Variants in GDPD4 observed in about 807,000 individuals in gnomAD.
GDPD4 encodes glycerophosphodiester phosphodiesterase domain containing 4.
GDPD4 carries 60 observed loss-of-function variants against 67.8 expected under a neutral mutation model. That is an observed-to-expected ratio of 0.88 (90% confidence interval 0.72 to 1.10). GDPD4 has a LOEUF of 1.10. GDPD4 is among the 50% of genes least tolerant of loss of function. The pLI is 0.00. For synonymous variants in GDPD4, 212 were observed against 210.9 expected (o/e 1.00, Z -0.04); for missense variants, 623 against 613.9 (o/e 1.01, Z -0.16).
rs1382807088 is a variant in GDPD4, at chr11:77,295,234, C to T, written c.-254+6371G>A. ...ATCTCCTGACCTCAAAGGATCTGCC[C>T]GCCTCAGCCTCCCAAAGTGCTGGGA... On this transcript the variant is annotated intron_variant, in intron 1 of 16. Coordinates refer to ENST00000315938, the MANE Select transcript of GDPD4 (RefSeq NM_182833.3). Among the ~76,000 whole-genome samples the T allele has an allele frequency of 2.6e-5, 4 of 151,604 alleles. No individual in the cohort carries two copies. In the East Asian group the frequency reaches 5.8e-4, roughly 22 times the overall value.
intron 1 of GDPD4, among the ~76,000 whole-genome samples, chr11:77,288,713 T>C (rs114069167): frequency 0.011 from 1,738 of 152,256 alleles, 42 homozygotes; most frequent in African/African-American, 0.039. Flanking sequence ...TTACAGCAGA[T>C]GTGCAGATAT....
intron 12 of GDPD4, 143 bp from the exon 13 acceptor site, chr11:77,243,991 GA>G (rs1389632150): frequency 1.6e-6 from 1 of 607,250 alleles, no homozygotes; most frequent in Non-Finnish European, 2.9e-6. Flanking sequence ...CTTGGTGAAA[GA>G]GTCAACATGG....
chr11:77,248,431 G>A lies in GDPD4; in HGVS notation c.865-2929C>T, dbSNP rs551422970. 9.2e-5 allele frequency among the ~76,000 whole-genome samples: 14 copies of A among 152,036 alleles called. No homozygotes were observed. The East Asian group carries it at 2.3e-3, about 25-fold the overall frequency. The stretch of plus-strand genomic sequence containing the variant: ...TTGGCCAGGCTGATCTCGAACTCCT[G>A]ACCTTGTGATCCACCTGTCTCGGCC... On this transcript the variant is annotated intron_variant, in intron 11 of 16. Transcript: ENST00000315938.
At position 77,271,317 on chromosome 11, in the gene GDPD4, A is replaced by C; in HGVS notation, c.284T>G (p.Leu95Arg). The change falls in exon 6 of 17, where the codon CTG becomes CGG. Residue 95 changes from leucine to arginine, a missense_variant. Leu to Arg is a moderately radical substitution (Grantham distance 102). Transcript: ENST00000315938. ...TACCTGCATTGACAGCCCAGCTACC[A>C]GCCACCTTTCTTTCCAGAATTTGCA... ...IICKFWKERW[L>R]VAGLSMQIFA... 1 of 1,613,754 alleles carries C rather than the reference A, an allele frequency of 6.2e-7. No homozygotes were observed. The highest frequency in any genetic ancestry group is 8.5e-7 in the Non-Finnish European group (1 of 1,179,596).
chr11:77,240,923 G>C (rs117840141), intron 13 of GDPD4, among the ~76,000 whole-genome samples: 1 of 152,126 alleles, frequency 6.6e-6, no homozygotes, highest in South Asian at 2.1e-4. Context: ...ATGAGAGATA[G>C]TAAGTACTGG....
At chr11:77,301,405 A>G (rs1206214175) in intron 1 of GDPD4, among the ~76,000 whole-genome samples, 200 bp downstream of exon 1, 1 of 152,170 alleles carries the variant, frequency 6.6e-6, no homozygotes, top group East Asian at 1.9e-4. Flanking sequence ...AAAACTAGAA[A>G]ATACACGAAG....
chr11:77,245,959 G>C (rs898509615), intron 11 of GDPD4, among the ~76,000 whole-genome samples: 1 of 152,134 alleles, frequency 6.6e-6, no homozygotes, highest in Admixed American at 6.5e-5. Flanking sequence ...CCCTTCAAAT[G>C]CTATTTCCCT....
chr11:77,233,598 C>T (rs1163503565), intron 13 of GDPD4, among the ~76,000 whole-genome samples: 4 of 152,116 alleles, frequency 2.6e-5, no homozygotes, highest in Non-Finnish European at 5.9e-5. Flanking sequence ...TATTTAATAA[C>T]AAGCTGGTAT....
At position 77,217,191 on chromosome 11, in the gene GDPD4, G is replaced by C. The variant is rs773098667; in HGVS notation, c.*86C>G. On this transcript the variant is annotated 3_prime_UTR_variant, in exon 17 of 17. Coordinates refer to ENST00000315938, the MANE Select transcript of GDPD4 (RefSeq NM_182833.3). The stretch of plus-strand genomic sequence containing the variant: ...CCTTGGTGTTCCTTTCCACTCTTGG[G>C]TAGAGCCGGGTAGAGGGCTGCTAGA... The C allele has an allele frequency of 1.0e-6, 1 of 1,004,270 alleles. No homozygotes were observed. Among genetic ancestry groups the C allele is most frequent in the Non-Finnish European group, 1.6e-6 (1 of 622,852 alleles). The allele number at this position is 1,004,270 out of a possible 1,614,324, so 62.2% of individuals were successfully genotyped here. A position where few individuals can be genotyped will look rare whatever the true frequency, so the allele number is the denominator to read the frequency against.
chr11:77,227,729 G>T (rs1958370333), intron 16 of GDPD4, 135 bp downstream of exon 16: 1 of 676,080 alleles, frequency 1.5e-6, no homozygotes, highest in South Asian at 1.7e-5. Flanking sequence ...TACTTCCCCT[G>T]GTCCCTCCCC....
chr11:77,296,311 TA>T (rs1422858092), intron 1 of GDPD4, among the ~76,000 whole-genome samples: 4 of 143,146 alleles, frequency 2.8e-5, no homozygotes, highest in Non-Finnish European at 4.6e-5. Context: ...ATGTATGGAT[TA>T]TTTTTTTAAT....
At chr11:77,264,407 C>T (rs1959167996) in intron 10 of GDPD4, among the ~76,000 whole-genome samples, 2 of 151,966 alleles carry the variant, frequency 1.3e-5, no homozygotes, top group African/African-American at 4.8e-5. Flanking sequence ...TCCTTTACAA[C>T]TATATTATCA....
chr11:77,263,292 G>C (rs1428432843), intron 10 of GDPD4, among the ~76,000 whole-genome samples: 3 of 152,142 alleles, frequency 2.0e-5, no homozygotes, highest in Non-Finnish European at 4.4e-5. Context: ...AATGTATAAT[G>C]AGGTTCGTGA....
At chr11:77,247,857 G>A (rs1052004663) in intron 11 of GDPD4, among the ~76,000 whole-genome samples, 1 of 152,018 alleles carries the variant, frequency 6.6e-6, no homozygotes, top group African/African-American at 2.4e-5. Flanking sequence ...TTCGAGACCA[G>A]CCTGACCAAC....
intron 11 of GDPD4, among the ~76,000 whole-genome samples, chr11:77,257,717 G>A (rs955547539): frequency 7.9e-5 from 12 of 152,040 alleles, no homozygotes; most frequent in Admixed American, 4.6e-4. Context: ...TTCTTCCAGA[G>A]GAACCATTCA....
At chr11:77,242,557 G>A (rs1249616611) in intron 13 of GDPD4, among the ~76,000 whole-genome samples, 3 of 151,964 alleles carry the variant, frequency 2.0e-5, no homozygotes, top group Non-Finnish European at 4.4e-5. Context: ...CTGATGGCTA[G>A]GCCAGGTCTA....
At chr11:77,268,280 G>T (rs1468377084) in intron 10 of GDPD4, among the ~76,000 whole-genome samples, 177 bp downstream of exon 10, 1 of 152,058 alleles carries the variant, frequency 6.6e-6, no homozygotes, top group East Asian at 1.9e-4. Context: ...ACATGGAGAT[G>T]CAGAGGTGCG....
chr11:77,216,828 C>G lies in GDPD4; in HGVS notation c.*449G>C. 1.6e-6 allele frequency: 1 copy of G among 609,558 alleles called. No homozygotes were observed. Among genetic ancestry groups the G allele is most frequent in the Non-Finnish European group, 2.9e-6 (1 of 340,486 alleles). The allele number at this position is 609,558 out of a possible 1,614,324, so 37.8% of individuals were successfully genotyped here. A position where few individuals can be genotyped will look rare whatever the true frequency, so the allele number is the denominator to read the frequency against. ...AGAGGAAGAAGCAGGGGAGATGTGG[C>G]TAATTCTTCTTTGGAAACACAGAAG... On this transcript the variant is annotated 3_prime_UTR_variant, in exon 17 of 17. Coordinates refer to ENST00000315938, the MANE Select transcript of GDPD4 (RefSeq NM_182833.3).
chr11:77,268,406 G>A, intron 10 of GDPD4, 51 bp downstream of exon 10: 2 of 1,260,248 alleles, frequency 1.6e-6, no homozygotes, highest in Non-Finnish European at 2.3e-6. Flanking sequence ...TCTCTTGCAT[G>A]GCATTGAACT....
Sources: gnomAD v4.1 joint callset for allele counts (sites outside exome capture counted in the v4.1 genomes callset) on GRCh38, gnomAD v4.1.1 for gene constraint, MANE v1.5 for transcripts, NCBI Gene and HGNC (gene_info 2026-07-23, HGNC 2026-07-21) for gene names.